ADAMTSL3: variants seen among roughly 807,000 people sequenced by gnomAD.
The protein encoded by ADAMTSL3 is ADAMTS-like protein 3.
A neutral mutation model predicts 201.7 loss-of-function variants in ADAMTSL3; 128 were observed. That is an observed-to-expected ratio of 0.63 (90% CI 0.55 to 0.73). ADAMTSL3 has a LOEUF of 0.73. Ranked by LOEUF, ADAMTSL3 falls within the 30% of genes least tolerant of loss-of-function variation. ADAMTSL3 has a pLI of 0.00. For missense variants in ADAMTSL3, 1,990 were observed against 2,119.6 expected, an observed-to-expected ratio of 0.94 and a Z score of 1.20; for synonymous variants, 738 against 748.4, an observed-to-expected ratio of 0.99 and a Z score of 0.23.
At chr15:83,829,405 A>G (rs918447811) in intron 6 of ADAMTSL3, among the ~76,000 whole-genome samples, 17 of 150,354 alleles carry the variant, frequency 1.1e-4, no homozygotes, top group Non-Finnish European at 2.1e-4. Context: ...CGCCTATTTG[A>G]TTCTTCTCTC....
chr15:83,976,581 C>A (rs2067292034), intron 20 of ADAMTSL3, among the ~76,000 whole-genome samples: 1 of 151,642 alleles, frequency 6.6e-6, no homozygotes, highest in South Asian at 2.1e-4. Context: ...ATGGTCCCAT[C>A]CGGGGTTGAT....
At position 83,977,010 on chromosome 15, in the gene ADAMTSL3, C is replaced by T. The variant is rs553102785; in HGVS notation, c.2645-5263C>T. Among the ~76,000 whole-genome samples, 608 of 152,222 alleles carry T rather than the reference C, an allele frequency of 4.0e-3. 3 individuals are homozygous for T. The highest frequency in any genetic ancestry group is 0.014 in the African/African-American group (569 of 41,540). ...GGGTCCCCAACCCCCAAGCCATGGA[C>T]GGATACTGGTCCATAGCCTGTTGGG... On this transcript the variant is annotated intron_variant, in intron 20 of 29. Transcript: ENST00000286744.
At chr15:83,854,067 TTCA>T (rs1368306356) in intron 7 of ADAMTSL3, among the ~76,000 whole-genome samples, 1 of 152,160 alleles carries the variant, frequency 6.6e-6, no homozygotes, top group Admixed American at 6.5e-5. Flanking sequence ...AAGGATCTTC[TTCA>T]TAACATCATC....
chr15:83,695,208 GGTGTGTGTGTGTGTGTGTAATGTGT>G (rs2061666450), intron 2 of ADAMTSL3, among the ~76,000 whole-genome samples: 1 of 142,206 alleles, frequency 7.0e-6, no homozygotes, highest in Non-Finnish European at 1.5e-5. Flanking sequence ...ATACGTTTGT[GGTGTGTGTGTGTGTGTGTAATGTGT>G]GTGTGTGTGT....
intron 19 of ADAMTSL3, 53 bp downstream of exon 19, chr15:83,943,135 T>C (rs577389474): frequency 2.0e-6 from 3 of 1,535,268 alleles, no homozygotes; most frequent in African/African-American, 2.8e-5. Flanking sequence ...CTCCTTTGTT[T>C]CAGCTTCTAA....
At chr15:83,775,199 G>C (rs957695151) in intron 4 of ADAMTSL3, among the ~76,000 whole-genome samples, 1 of 152,128 alleles carries the variant, frequency 6.6e-6, no homozygotes, top group African/African-American at 2.4e-5. Context: ...CCAGCCACAT[G>C]GGGGAGAAGT....
intron 5 of ADAMTSL3, among the ~76,000 whole-genome samples, chr15:83,810,189 G>C (rs908493569): frequency 2.6e-5 from 4 of 152,224 alleles, no homozygotes; most frequent in African/African-American, 9.6e-5. Context: ...CGAGTCCTCA[G>C]AGGGATTTTG....
At chr15:83,720,087 C>T (rs577088556) in intron 3 of ADAMTSL3, among the ~76,000 whole-genome samples, 137 of 152,224 alleles carry the variant, frequency 9.0e-4, no homozygotes, top group African/African-American at 3.2e-3. Context: ...GGCGTGGTGG[C>T]TTATGCCTGT....
intron 20 of ADAMTSL3, among the ~76,000 whole-genome samples, chr15:83,972,808 A>G (rs1042888814): frequency 1.3e-5 from 2 of 152,106 alleles, no homozygotes; most frequent in Non-Finnish European, 2.9e-5. Flanking sequence ...GCCTCACTCC[A>G]TAATCTTTGA....
In ADAMTSL3 at chr15:83,811,581, TATG is replaced by T. The variant is rs2063698241; in HGVS notation, c.363+6890_363+6892del. Among the ~76,000 whole-genome samples the T allele has an allele frequency of 2.6e-5, 4 of 152,338 alleles. No individual in the cohort carries two copies. The South Asian group carries it at 8.3e-4, about 32-fold the overall frequency. Reference sequence around the variant, plus strand: ...GGACTTTGGTATACTCGAGTGAAGATATGATGCCCCTGAAGCTCTCTGGGCCTT... The same window carrying T: ...GGACTTTGGTATACTCGAGTGAAGATATGCCCCTGAAGCTCTCTGGGCCTT... On this transcript the variant is annotated intron_variant, in intron 5 of 29. Transcript: ENST00000286744.
chr15:83,950,561 G>A (rs1404441322), intron 19 of ADAMTSL3, among the ~76,000 whole-genome samples: 1 of 152,050 alleles, frequency 6.6e-6, no homozygotes, highest in African/African-American at 2.4e-5. Context: ...TATTTTGATA[G>A]GGATTGCATT....
intron 13 of ADAMTSL3, among the ~76,000 whole-genome samples, chr15:83,896,969 C>A (rs544364148): frequency 6.6e-6 from 1 of 152,214 alleles, no homozygotes; most frequent in South Asian, 2.1e-4. Context: ...ACCATCAGAT[C>A]TTATGAGAAC....
At chr15:83,784,980 A>G (rs1258701443) in intron 4 of ADAMTSL3, among the ~76,000 whole-genome samples, 2 of 152,146 alleles carry the variant, frequency 1.3e-5, no homozygotes, top group Non-Finnish European at 2.9e-5. Context: ...GTGTGTGTGC[A>G]CACAAGCAGC....
chr15:83,903,969 A>AGGGAGGGAGGG (rs1567226223), intron 15 of ADAMTSL3, among the ~76,000 whole-genome samples: 1 of 89,750 alleles, frequency 1.1e-5, no homozygotes, highest in Non-Finnish European at 2.4e-5. Context: ...AGAAAGAAAG[A>AGGGAGGGAGGG]AAAGGAGCTA....
chr15:84,027,603 G>A (rs1212049196), intron 27 of ADAMTSL3, among the ~76,000 whole-genome samples: 1 of 152,076 alleles, frequency 6.6e-6, no homozygotes, highest in African/African-American at 2.4e-5. Flanking sequence ...CCGGCTACTT[G>A]GGAGGCTGAG....
chr15:83,929,149 C>G (rs1013689145), intron 17 of ADAMTSL3, among the ~76,000 whole-genome samples: 1 of 152,184 alleles, frequency 6.6e-6, no homozygotes, highest in Non-Finnish European at 1.5e-5. Flanking sequence ...CCTTCAACAA[C>G]ACTCCTTTAT....
At position 83,897,447 on chromosome 15, in the gene ADAMTSL3, C is replaced by A. The variant is rs79279791; in HGVS notation, c.1468-411C>A. ...AGAAAAATAATCCTCTGGCATAATT[C>A]ATTAGAATTTTATTATATTTTTATT... On this transcript the variant is annotated intron_variant, in intron 13 of 29. Transcript: ENST00000286744. Among the ~76,000 whole-genome samples the A allele has an allele frequency of 3.0e-3, 463 of 152,154 alleles. 11 individuals are homozygous for A. In the East Asian group the frequency reaches 0.064, roughly 21 times the overall value.
intron 6 of ADAMTSL3, among the ~76,000 whole-genome samples, chr15:83,823,943 CTTCTTCTTCTTCTTCTTCTTCTT>C (rs2063947843): frequency 9.6e-6 from 1 of 104,374 alleles, no homozygotes; most frequent in African/African-American, 3.3e-5. Context: ...TCTTCTTCTT[CTTCTTCTTCTTCTTCTTCTTCTT>C]CTTCTTCTCC....
At position 83,943,869 on chromosome 15, in the gene ADAMTSL3, C is replaced by T. The variant is rs138854583; in HGVS notation, c.2490+787C>T. Among the ~76,000 whole-genome samples the T allele has an allele frequency of 3.7e-4, 57 of 152,314 alleles. No homozygotes were observed. In the East Asian group the frequency reaches 9.9e-3, roughly 26 times the overall value. ...CCATAAGTCTGATTGCTTGCAAAATCAAGTACAGTAGTCCCAGTTTATTCA... is the reference window on the plus strand; with the variant it reads ...CCATAAGTCTGATTGCTTGCAAAATTAAGTACAGTAGTCCCAGTTTATTCA... On this transcript the variant is annotated intron_variant, in intron 19 of 29. Coordinates refer to ENST00000286744, the MANE Select transcript of ADAMTSL3 (RefSeq NM_207517.3).
Sources: allele counts gnomAD v4.1 joint callset (sites outside exome capture counted in the v4.1 genomes callset), GRCh38; gene constraint gnomAD v4.1.1; transcripts MANE v1.5; gene names NCBI Gene and HGNC (gene_info 2026-07-23, HGNC 2026-07-21).